Variants in POU6F2 observed in about 807,000 individuals in gnomAD.
POU6F2 encodes POU class 6 homeobox 2.
POU6F2 carries 31 observed loss-of-function variants against 71.3 expected under a neutral mutation model. The ratio of observed to expected loss-of-function variants is 0.43; its 90% CI spans 0.33 to 0.59. The LOEUF (loss-of-function observed/expected upper bound fraction) is 0.59. Ranked by LOEUF, POU6F2 falls within the 20% of genes least tolerant of loss-of-function variation. The probability of loss-of-function intolerance (pLI) is 0.04; values close to 1 mark genes in which losing one functional copy is unlikely to be tolerated. For synonymous variants in POU6F2, 347 were observed against 355.7 expected (o/e 0.98, Z 0.27); for missense variants, 783 against 856.8 (o/e 0.91, Z 1.07).
chr7:39,081,175 A>G (rs1791111697), intron 1 of POU6F2, among the ~76,000 whole-genome samples: 1 of 152,248 alleles, frequency 6.6e-6, no homozygotes, highest in African/African-American at 2.4e-5. Flanking sequence ...AGAAACATTA[A>G]TTAGGTAAAA....
chr7:39,082,135 C>G (rs1791133241), intron 1 of POU6F2, among the ~76,000 whole-genome samples: 1 of 152,194 alleles, frequency 6.6e-6, no homozygotes, highest in Non-Finnish European at 1.5e-5. Flanking sequence ...TGTGTAGTTT[C>G]TGATGGAGAT....
At chr7:39,371,919 G>A (rs1786618925) in intron 5 of POU6F2, among the ~76,000 whole-genome samples, 2 of 151,990 alleles carry the variant, frequency 1.3e-5, no homozygotes, top group South Asian at 2.1e-4. Context: ...TGTGTGTTTT[G>A]TTTTCTTCTT....
At chr7:39,271,494 GAAAAAA>G (rs36038013) in intron 4 of POU6F2, among the ~76,000 whole-genome samples, 1 of 136,748 alleles carries the variant, frequency 7.3e-6, no homozygotes, top group Non-Finnish European at 1.6e-5. Flanking sequence ...CTCAATCAGT[GAAAAAA>G]AAAAAAAAAA....
At chr7:39,406,778 C>A in intron 6 of POU6F2, 38 bp downstream of exon 6, 1 of 1,608,226 alleles carries the variant, frequency 6.2e-7, no homozygotes, top group South Asian at 1.1e-5. Context: ...ATTTTTATGG[C>A]AGATTGAACT....
intron 3 of POU6F2, among the ~76,000 whole-genome samples, chr7:39,206,104 T>C (rs1461201529): frequency 6.6e-6 from 1 of 152,198 alleles, no homozygotes; most frequent in African/African-American, 2.4e-5. Flanking sequence ...TACATTGAGC[T>C]TAGTAGTATG....
In POU6F2 at chr7:39,460,498, T is replaced by C; in HGVS notation, c.1490-49T>C. ...ATAAACCGTAATAAACAGATATTGC[T>C]CGGCTGTGTGTTGACGTATTGATCC... On this transcript the variant is annotated intron_variant, in intron 8 of 9. Coordinates refer to ENST00000518318, the MANE Select transcript of POU6F2 (RefSeq NM_001370959.1). The surrounding 1 kb of genome is among the most constrained non-coding windows in gnomAD (Gnocchi z 4.4). The C allele has an allele frequency of 6.3e-7, 1 of 1,587,954 alleles. No individual in the cohort carries two copies. The highest frequency in any genetic ancestry group is 8.6e-7 in the Non-Finnish European group (1 of 1,164,266).
At chr7:39,081,637 G>A (rs1219924424) in intron 1 of POU6F2, among the ~76,000 whole-genome samples, 1 of 152,218 alleles carries the variant, frequency 6.6e-6, no homozygotes, top group East Asian at 1.9e-4. Flanking sequence ...ACTATCTGAT[G>A]TCCTGTCTAC....
intron 5 of POU6F2, among the ~76,000 whole-genome samples, chr7:39,370,697 G>T (rs987477706): frequency 6.6e-6 from 1 of 152,178 alleles, no homozygotes; most frequent in Non-Finnish European, 1.5e-5. Context: ...TGTTATTCTG[G>T]GTGTTTTGGA....
rs962505982 is a variant in POU6F2 at position 39,109,084 on chromosome 7, C to T, written c.277+23053C>T. ...TTTTTGAAACAGGGTCTCACTCTGT[C>T]ACACAGGTTGGAGTGCAGTGGTGTG... On this transcript the variant is annotated intron_variant, in intron 2 of 9. Coordinates refer to ENST00000518318, the MANE Select transcript of POU6F2 (RefSeq NM_001370959.1). Among the ~76,000 whole-genome samples the T allele has an allele frequency of 5.3e-5, 8 of 152,312 alleles. No homozygotes were observed. The East Asian group carries it at 1.5e-3, about 29-fold the overall frequency.
intron 2 of POU6F2, among the ~76,000 whole-genome samples, chr7:39,164,628 T>G (rs1426092885): frequency 1.3e-5 from 2 of 151,796 alleles, no homozygotes; most frequent in African/African-American, 4.8e-5. Context: ...CTGGTGGTCC[T>G]TAGGGTGTGC....
In POU6F2 at chr7:39,023,763, G is replaced by T. The variant is rs78363057; in HGVS notation, c.105+45705G>T. ...TATTGAACACGTAACTATGATACAG[G>T]TTCCATTTTATATATTTTCTATATT... On this transcript the variant is annotated intron_variant, in intron 1 of 9. Coordinates refer to ENST00000518318, the MANE Select transcript of POU6F2 (RefSeq NM_001370959.1). Among the ~76,000 whole-genome samples the T allele has an allele frequency of 1.3e-3, 201 of 152,080 alleles. 1 individual carries two copies. Among genetic ancestry groups the T allele is most frequent in the Middle Eastern group, 6.8e-3 (2 of 294 alleles).
chr7:39,249,542 A>G (rs1470757177), intron 4 of POU6F2, among the ~76,000 whole-genome samples: 1 of 152,236 alleles, frequency 6.6e-6, no homozygotes, highest in South Asian at 2.1e-4. Context: ...GGACTAATAT[A>G]TATCAGTTAG....
At chr7:39,347,756 C>T (rs1412159102) in intron 5 of POU6F2, among the ~76,000 whole-genome samples, 2 of 108,294 alleles carry the variant, frequency 1.8e-5, no homozygotes, top group African/African-American at 5.9e-5. Flanking sequence ...CTCAGCCTCC[C>T]GAGCGTCTGG....
chr7:39,230,184 A>G (rs1000252988), intron 4 of POU6F2, among the ~76,000 whole-genome samples: 1 of 151,084 alleles, frequency 6.6e-6, no homozygotes, highest in African/African-American at 2.4e-5. Context: ...AAGATCTACA[A>G]GAAGTTCAAG....
chr7:39,452,176 A>G (rs1338399105), intron 8 of POU6F2, among the ~76,000 whole-genome samples: 1 of 152,220 alleles, frequency 6.6e-6, no homozygotes, highest in African/African-American at 2.4e-5. Context: ...GTGTGTGTGT[A>G]CAATAAGCCA....
At chr7:39,054,423 A>T (rs879412573) in intron 1 of POU6F2, among the ~76,000 whole-genome samples, 2 of 152,168 alleles carry the variant, frequency 1.3e-5, no homozygotes, top group African/African-American at 2.4e-5. Context: ...AACCTCCCAT[A>T]CTAGGGTGAC....
At chr7:39,401,054 G>C (rs1248569614) in intron 5 of POU6F2, among the ~76,000 whole-genome samples, 1 of 152,204 alleles carries the variant, frequency 6.6e-6, no homozygotes, top group Non-Finnish European at 1.5e-5. Flanking sequence ...GAGGGGCCAG[G>C]CTCCTCCCTG....
chr7:39,378,453 T>A lies in POU6F2; in HGVS notation c.973-28147T>A, dbSNP rs538846479. 3.9e-5 allele frequency among the ~76,000 whole-genome samples: 6 copies of A among 152,270 alleles called. No homozygotes were observed. In the South Asian group the frequency reaches 1.2e-3, roughly 32 times the overall value. On this transcript the variant is annotated intron_variant, in intron 5 of 9. Transcript: ENST00000518318. ...AACATGTTGGTTTCATGATGTGGCATATTGGTGGCATGATGTGGCATGAGG... is the reference window on the plus strand; with the variant it reads ...AACATGTTGGTTTCATGATGTGGCAAATTGGTGGCATGATGTGGCATGAGG...
chr7:38,986,429 A>C (rs1177040065), intron 1 of POU6F2, among the ~76,000 whole-genome samples: 1 of 152,096 alleles, frequency 6.6e-6, no homozygotes, highest in African/African-American at 2.4e-5. Context: ...TTCCAAAAAC[A>C]GGGGGGCTCT....
Sources: gnomAD v4.1 joint callset for allele counts (sites outside exome capture counted in the v4.1 genomes callset) on GRCh38, gnomAD v4.1.1 for gene constraint, Gnocchi (gnomAD v3.1) non-coding constraint, MANE v1.5 for transcripts, NCBI Gene and HGNC (gene_info 2026-07-23, HGNC 2026-07-21) for gene names.